The following SORD variants were observed in gnomAD, a reference collection of about 807,000 sequenced individuals.
The protein encoded by SORD is sorbitol dehydrogenase.
SORD carries 18 observed loss-of-function variants against 35.6 expected under a neutral mutation model. The observed-to-expected ratio is 0.51, with a 90% CI of 0.35 to 0.75. SORD has a LOEUF of 0.75. Ranked by LOEUF, SORD falls within the 30% of genes least tolerant of loss-of-function variation. The probability of loss-of-function intolerance (pLI) is 0.01; values close to 1 mark genes in which losing one functional copy is unlikely to be tolerated. For synonymous variants in SORD, 106 were observed against 152.9 expected (o/e 0.69, Z 2.26); for missense variants, 250 against 390.2 (o/e 0.64, Z 3.03).
chr15:45,066,278 G>A (rs989422446), intron 5 of SORD, among the ~76,000 whole-genome samples: 13 of 150,472 alleles, frequency 8.6e-5, no homozygotes, highest in Middle Eastern at 3.4e-3. Context: ...TTAATCTGGC[G>A]ATTATTTTTG....
In SORD at chr15:45,061,195, T is replaced by C. The variant is rs777253331; in HGVS notation, c.394T>C (p.Phe132Leu). The change falls in exon 4 of 9, where the codon TTC becomes CTC. Residue 132 changes from phenylalanine to leucine, a missense_variant. This residue lies in a region of SORD where 126 missense variants were observed against 148.7 expected (regional missense o/e 0.85). Transcript: ENST00000267814. ...CCCCGATGACGGGAACCTCTGCCGG[T>C]TCTATAAGCACAATGCAGCCTTTTG... Reference protein sequence around the residue: ...TPPDDGNLCRFYKHNAAFCYK... With the variant: ...TPPDDGNLCRLYKHNAAFCYK... 6.2e-7 allele frequency: 1 copy of C among 1,614,202 alleles called. No individual in the cohort carries two copies. Among genetic ancestry groups the C allele is most frequent in the South Asian group, 1.1e-5 (1 of 91,084 alleles).
chr15:45,060,045 G>A (rs758005020), intron 3 of SORD, among the ~76,000 whole-genome samples: 5 of 152,132 alleles, frequency 3.3e-5, no homozygotes, highest in Non-Finnish European at 7.3e-5. Flanking sequence ...ATCTTAAAAG[G>A]GGTTTGCATT....
At chr15:45,065,802 TC>T (rs1412843785) in intron 5 of SORD, among the ~76,000 whole-genome samples, 1 of 151,934 alleles carries the variant, frequency 6.6e-6, no homozygotes, top group Non-Finnish European at 1.5e-5. Context: ...TGTCTGTAGT[TC>T]CAGCTACTCA....
intron 4 of SORD, among the ~76,000 whole-genome samples, chr15:45,064,838 T>C (rs1230959333): frequency 6.6e-6 from 1 of 152,242 alleles, no homozygotes; most frequent in Non-Finnish European, 1.5e-5. Flanking sequence ...ATAACCACCA[T>C]ACCGTAGCTT....
chr15:45,030,483 A>G (rs1478570898), intron 1 of SORD, among the ~76,000 whole-genome samples: 1 of 152,246 alleles, frequency 6.6e-6, no homozygotes, highest in Non-Finnish European at 1.5e-5. Flanking sequence ...TTACCAGGGA[A>G]AATACATTCA....
intron 3 of SORD, among the ~76,000 whole-genome samples, chr15:45,052,211 A>G (rs1893135467): frequency 1.3e-5 from 2 of 152,252 alleles, no homozygotes; most frequent in African/African-American, 4.8e-5. Context: ...AAAGCCTGAT[A>G]TGTGAGGAAG....
rs752267975 is a variant in SORD, at chr15:45,073,554, C to T, written c.*24C>T. 33 of 1,599,758 alleles carry T rather than the reference C, an allele frequency of 2.1e-5. No homozygotes were observed. In the South Asian group the frequency reaches 3.2e-4, roughly 16 times the overall value. The stretch of plus-strand genomic sequence containing the variant: ...GATGTTAATGGGCTCTGCCCTCATC[C>T]CCACAGTCTTGGGATCTCAGGGCAC... On this transcript the variant is annotated 3_prime_UTR_variant, in exon 9 of 9. Coordinates refer to ENST00000267814, the MANE Select transcript of SORD (RefSeq NM_003104.6).
At chr15:45,036,381 G>A in intron 1 of SORD, 1 of 455,716 alleles carries the variant, frequency 2.2e-6, no homozygotes, top group Non-Finnish European at 4.4e-6. Context: ...TAGTCCTCTT[G>A]TAGTCACTCA....
At position 45,061,090 on chromosome 15, in the gene SORD, G is replaced by C; in HGVS notation, c.289G>C (p.Gly97Arg). Reference protein sequence around the residue: ...KPGDRVAIEPGAPRENDEFCK... With the variant: ...KPGDRVAIEPRAPRENDEFCK... ...AGGTGATCGTGTTGCCATCGAGCCT[G>C]GTGCTCCCCGAGAAAATGATGAATT... Residue 97 changes from glycine (G) to arginine (R), a missense_variant, in exon 4 of 9, where the codon GGT (glycine) becomes CGT (arginine). Physicochemically the swap from Gly to Arg is moderately radical, Grantham distance 125. Around this residue, in one of 8 missense-constraint regions of SORD, gnomAD observed 126 missense variants for 148.7 expected, o/e 0.85. Transcript: ENST00000267814. 1.2e-6 allele frequency: 2 copies of C among 1,614,156 alleles called. No individual in the cohort carries two copies. Among genetic ancestry groups the C allele is most frequent in the Non-Finnish European group, 1.7e-6 (2 of 1,180,010 alleles).
At chr15:45,067,183 G>A (rs577565775) in intron 5 of SORD, among the ~76,000 whole-genome samples, 1 of 152,250 alleles carries the variant, frequency 6.6e-6, no homozygotes, top group South Asian at 2.1e-4. Flanking sequence ...CCAACATGGT[G>A]AAACCCCGTC....
At chr15:45,062,551 T>G (rs1401873842) in intron 4 of SORD, among the ~76,000 whole-genome samples, 3 of 151,638 alleles carry the variant, frequency 2.0e-5, no homozygotes, top group Non-Finnish European at 3.0e-5. Context: ...CAGATCTGAG[T>G]TTTTCTAGGG....
chr15:45,028,428 C>T (rs1892715272), intron 1 of SORD, among the ~76,000 whole-genome samples: 1 of 152,388 alleles, frequency 6.6e-6, no homozygotes, highest in Non-Finnish European at 1.5e-5. Flanking sequence ...CCTCTGAGTG[C>T]ACTTTATCTC....
At chr15:45,050,236 C>T (rs1351583605) in intron 3 of SORD, among the ~76,000 whole-genome samples, 3 of 152,202 alleles carry the variant, frequency 2.0e-5, no homozygotes, top group Non-Finnish European at 4.4e-5. Flanking sequence ...CACCCACCAC[C>T]AGCCCTGGCT....
At chr15:45,062,943 C>A (rs1452355247) in intron 4 of SORD, among the ~76,000 whole-genome samples, 1 of 147,824 alleles carries the variant, frequency 6.8e-6, no homozygotes, top group Non-Finnish European at 1.5e-5. Context: ...AGGTCTGGCA[C>A]ATAGTAAATG....
chr15:45,055,262 A>G lies in SORD; in HGVS notation c.266-5805A>G, dbSNP rs562042493. Among the ~76,000 whole-genome samples the G allele has an allele frequency of 5.3e-5, 8 of 152,358 alleles. No individual in the cohort carries two copies. The East Asian group carries it at 1.5e-3, about 29-fold the overall frequency. ...AGTGCTAGCAAGACTAATAAGGAAA[A>G]AAAGAGAAGAATCAAATAGATGCAA... On this transcript the variant is annotated intron_variant, in intron 3 of 8. Coordinates refer to ENST00000267814, the MANE Select transcript of SORD (RefSeq NM_003104.6).
In SORD at chr15:45,038,533, C is replaced by G. The variant is rs567282287; in HGVS notation, c.67-1875C>G. ...CTGAACCTCTTCAACAGAAAGGGCT[C>G]GTAACTTGACATAAGTGAAAACCTC... On this transcript the variant is annotated intron_variant, in intron 1 of 8. Coordinates refer to ENST00000267814, the MANE Select transcript of SORD (RefSeq NM_003104.6). Among the ~76,000 whole-genome samples the G allele has an allele frequency of 3.4e-4, 52 of 152,214 alleles. 1 individual carries two copies. The highest frequency in any genetic ancestry group is 8.3e-4 in the South Asian group (4 of 4,816).
chr15:45,039,197 G>T (rs12902042), intron 1 of SORD, among the ~76,000 whole-genome samples: 6,295 of 151,702 alleles, frequency 0.041, 187 homozygotes, highest in South Asian at 0.1. Context: ...GGCACAATCT[G>T]GGCTCACTGC....
At chr15:45,039,190 A>C (rs1490534320) in intron 1 of SORD, among the ~76,000 whole-genome samples, 1 of 151,624 alleles carries the variant, frequency 6.6e-6, no homozygotes, top group Non-Finnish European at 1.5e-5. Flanking sequence ...GTGCACTGGC[A>C]CAATCTGGGC....
chr15:45,029,145 G>C (rs1376626094), intron 1 of SORD, among the ~76,000 whole-genome samples: 1 of 152,230 alleles, frequency 6.6e-6, no homozygotes, highest in Non-Finnish European at 1.5e-5. Flanking sequence ...GTAGCCCAAA[G>C]AACCATCTTT....
Sources: gnomAD v4.1 joint callset for allele counts (sites outside exome capture counted in the v4.1 genomes callset) on GRCh38, gnomAD v4.1.1 for gene constraint, gnomAD v4.1.1 regional missense constraint, MANE v1.5 for transcripts, NCBI Gene and HGNC (gene_info 2026-07-23, HGNC 2026-07-21) for gene names.